Variants in PNLIPRP1 observed in about 807,000 individuals in gnomAD.
The protein encoded by PNLIPRP1 is pancreatic lipase related protein 1, also known as inactive pancreatic lipase-related protein 1.
In PNLIPRP1, 57 loss-of-function variants were observed where a neutral mutation model predicts 54.6. That is an observed-to-expected ratio of 1.04 (90% CI 0.84 to 1.30). The LOEUF (loss-of-function observed/expected upper bound fraction) is 1.30, where lower values mean the gene tolerates loss of function less well. Among genes scored for constraint, PNLIPRP1 ranks in the 50% most tolerant of loss-of-function variants. PNLIPRP1 has a pLI of 0.00. For missense variants in PNLIPRP1, 567 were observed against 568.5 expected (o/e 1.00, Z 0.03); for synonymous variants, 232 against 208.8 (o/e 1.11, Z -0.96).
At chr10:116,593,013 C>T (rs1190843604) in intron 4 of PNLIPRP1, 6 of 219,284 alleles carry the variant, frequency 2.7e-5, no homozygotes, top group South Asian at 1.3e-4. Flanking sequence ...ACTAATGATA[C>T]AAAAATCAGC....
intron 8 of PNLIPRP1, among the ~76,000 whole-genome samples, chr10:116,599,091 C>A (rs1281777504): frequency 6.6e-6 from 1 of 151,818 alleles, no homozygotes; most frequent in East Asian, 1.9e-4. Flanking sequence ...CCCGTCTCTA[C>A]TAAAAATACA....
At chr10:116,600,936 AT>A in intron 9 of PNLIPRP1, 135 bp from the exon 10 acceptor site, 3 of 701,900 alleles carry the variant, frequency 4.3e-6, no homozygotes, top group East Asian at 2.6e-5. Flanking sequence ...TAATTTAGAG[AT>A]CATCTGCTCC....
Position 116,609,139 on chromosome 10 carries a change from T to C in PNLIPRP1, c.*23T>C, listed in dbSNP as rs782264842. ...TAAGCTCCCGGGGCGACGAGGCTGCTGCGTTCACACTAATAAAATCCACTG... is the reference window on the plus strand; with the variant it reads ...TAAGCTCCCGGGGCGACGAGGCTGCCGCGTTCACACTAATAAAATCCACTG... On this transcript the variant is annotated 3_prime_UTR_variant, in exon 13 of 13. Transcript: ENST00000358834. 3.3e-5 allele frequency: 52 copies of C among 1,576,336 alleles called. No individual in the cohort carries two copies. The South Asian group carries it at 5.9e-4, about 18-fold the overall frequency.
chr10:116,592,121 A>G lies in PNLIPRP1; in HGVS notation c.204+196A>G, dbSNP rs1847650041. On this transcript the variant is annotated intron_variant, in intron 3 of 12. Transcript: ENST00000358834. ...TGGCTTGAATGAATGAATGGTTCAC[A>G]TTTGCCAGAACCTCTAGCTACTGTG... 5 of 648,704 alleles carry G rather than the reference A, an allele frequency of 7.7e-6. No individual in the cohort carries two copies. The East Asian group carries it at 1.4e-4, about 18-fold the overall frequency. The allele number at this position is 648,704 out of a possible 1,614,324, so 40.2% of individuals were successfully genotyped here.
chr10:116,604,222 T>C, intron 11 of PNLIPRP1, 84 bp downstream of exon 11: 1 of 646,486 alleles, frequency 1.5e-6, no homozygotes, highest in Non-Finnish European at 2.7e-6. Context: ...ACTTATCATC[T>C]CTTTATATGT....
chr10:116,602,799 G>A (rs1024357249), intron 10 of PNLIPRP1, among the ~76,000 whole-genome samples: 5 of 152,194 alleles, frequency 3.3e-5, no homozygotes, highest in South Asian at 4.1e-4. Context: ...GTTTATATAC[G>A]TATGTATATG....
chr10:116,603,569 T>G lies in PNLIPRP1; in HGVS notation c.1064-461T>G, dbSNP rs57323566. Among the ~76,000 whole-genome samples the G allele has an allele frequency of 3.0e-3, 455 of 152,328 alleles. 2 individuals are homozygous for G. Among genetic ancestry groups the G allele is most frequent in the Middle Eastern group, 0.02 (6 of 294 alleles). ...TAAATACATACTTCTCCATAAGGCC[T>G]TGTTTGATTTGTAGATTAACAAATA... On this transcript the variant is annotated intron_variant, in intron 10 of 12. Transcript: ENST00000358834.
chr10:116,606,667 A>C (rs149721148), intron 12 of PNLIPRP1, among the ~76,000 whole-genome samples: 2 of 152,308 alleles, frequency 1.3e-5, no homozygotes, highest in East Asian at 3.9e-4. Flanking sequence ...TGACTTGCTC[A>C]CAGGTAAGGC....
chr10:116,601,187 C>G lies in PNLIPRP1; in HGVS notation c.1049C>G (p.Ala350Gly), dbSNP rs1351457883. 1 of 1,612,690 alleles carries G rather than the reference C, an allele frequency of 6.2e-7. No homozygotes were observed. The highest frequency in any genetic ancestry group is 8.5e-7 in the Non-Finnish European group (1 of 1,179,676). Residue 350 changes from alanine (A) to glycine (G), a missense_variant, in exon 10 of 13, where the codon GCT becomes GGT. Physicochemically the swap from Ala to Gly is moderately conservative, Grantham distance 60. Coordinates refer to ENST00000358834, the MANE Select transcript of PNLIPRP1 (RefSeq NM_006229.4). ...AAATTCTTCTTGAACACAGGAGAGG[C>G]TAGCAATTTCGCTCGTAAGTTGCAC... is the stretch of plus-strand genomic sequence containing the variant. ...QQKFFLNTGE[A>G]SNFARWRYGV...
chr10:116,592,523 G>A lies in PNLIPRP1; in HGVS notation c.312G>A (p.Trp104Ter), dbSNP rs782755718. The A allele has an allele frequency of 3.1e-6, 5 of 1,614,138 alleles. No individual in the cohort carries two copies. The highest frequency in any genetic ancestry group is 1.1e-5 in the South Asian group (1 of 91,076). Residue 104 changes from tryptophan to a stop codon, truncating the protein, a stop_gained, in exon 4 of 13, where the codon TGG becomes TGA. Transcript: ENST00000358834. LOFTEE classifies it high-confidence loss of function. Reference sequence around the variant, plus strand: ...TCATAGACAAAGGAGATGAGAGCTGGGTGACAGACATGTGCAAGGTAGGAG... The same window carrying A: ...TCATAGACAAAGGAGATGAGAGCTGAGTGACAGACATGTGCAAGGTAGGAG... ...HGFIDKGDES[W>*]VTDMCKKLFE... is the part of the protein sequence containing the mutation.
intron 2 of PNLIPRP1, among the ~76,000 whole-genome samples, 155 bp from the exon 3 acceptor site, chr10:116,591,616 C>A (rs1460270804): frequency 7.2e-5 from 11 of 152,074 alleles, no homozygotes; most frequent in African/African-American, 2.2e-4. Flanking sequence ...TAGGTGGGCA[C>A]TGGGGTCAAG....
In PNLIPRP1 at chr10:116,609,102, C is replaced by G. The variant is rs368899385; in HGVS notation, c.1390C>G (p.Leu464Val). Residue 464 changes from leucine (L) to valine (V), a missense_variant, in exon 13 of 13, where the codon CTC becomes GTC. By Grantham distance (32) the Leu-to-Val change is conservative. Transcript: ENST00000358834. ...DTVREDTLLT[L>V]TPC ...AGTGCGGGAAGACACGCTGCTCACC[C>G]TCACGCCCTGCTAAGCTCCCGGGGC... 34 of 1,611,500 alleles carry G rather than the reference C, an allele frequency of 2.1e-5. No homozygotes were observed. In the African/African-American group the frequency reaches 4.1e-4, roughly 20 times the overall value.
At position 116,592,195 on chromosome 10, in the gene PNLIPRP1, G is replaced by A. The variant is rs1589568400; in HGVS notation, c.205-221G>A. The A allele has an allele frequency of 4.7e-6, 3 of 640,688 alleles. No individual in the cohort carries two copies. The East Asian group carries it at 8.3e-5, about 18-fold the overall frequency. 39.7% of individuals were successfully genotyped at this position (640,688 alleles called of 1,614,324 possible). A position where few individuals can be genotyped will look rare whatever the true frequency, so the allele number is the denominator to read the frequency against. On this transcript the variant is annotated intron_variant, in intron 3 of 12. Coordinates refer to ENST00000358834, the MANE Select transcript of PNLIPRP1 (RefSeq NM_006229.4). ...CTTACTGTCTAACAAAAACCACAGG[G>A]AAGGTAAAACCTCAAACCACAATCC...
chr10:116,604,100 T>C lies in PNLIPRP1; in HGVS notation c.1134T>C (p.Phe378=), dbSNP rs116610181. The C allele has an allele frequency of 3.4e-3, 5,513 of 1,612,996 alleles. 22 individuals are homozygous for C. Among genetic ancestry groups the C allele is most frequent in the Middle Eastern group, 0.018 (111 of 6,060 alleles). The change falls in exon 11 of 13, where the codon TTT becomes TTC. Residue 378 remains phenylalanine (F), a synonymous_variant. Transcript: ENST00000358834. The stretch of plus-strand genomic sequence containing the variant: ...CTGGTCAGATCAAAGTTGCTTTGTT[T>C]GGAAATAAGGGAAACACTCACCAGT... ...TATGQIKVAL[F]GNKGNTHQYS... is the part of the protein sequence containing the mutation.
In PNLIPRP1 at chr10:116,592,120, C is replaced by T. The variant is rs1328546962; in HGVS notation, c.204+195C>T. On this transcript the variant is annotated intron_variant, in intron 3 of 12. Coordinates refer to ENST00000358834, the MANE Select transcript of PNLIPRP1 (RefSeq NM_006229.4). Reference sequence around the variant, plus strand: ...TTGGCTTGAATGAATGAATGGTTCACATTTGCCAGAACCTCTAGCTACTGT... The same window carrying T: ...TTGGCTTGAATGAATGAATGGTTCATATTTGCCAGAACCTCTAGCTACTGT... The T allele has an allele frequency of 6.2e-6, 4 of 650,318 alleles. No homozygotes were observed. In the East Asian group the frequency reaches 1.1e-4, roughly 18 times the overall value. The allele number at this position is 650,318 out of a possible 1,614,324, so 40.3% of individuals were successfully genotyped here.
chr10:116,594,866 T>G lies in PNLIPRP1; in HGVS notation c.465+2T>G. On this transcript the variant is annotated splice_donor_variant, in intron 5 of 12. Coordinates refer to ENST00000358834, the MANE Select transcript of PNLIPRP1 (RefSeq NM_006229.4). LOFTEE classifies it high-confidence loss of function. ...GCCCAGATGCTCGACATCCTCTTGGTGAGTCAGCTGGCTGGCCTATGTGAG... is the reference window on the plus strand; with the variant it reads ...GCCCAGATGCTCGACATCCTCTTGGGGAGTCAGCTGGCTGGCCTATGTGAG... 6 of 1,613,772 alleles carry G rather than the reference T, an allele frequency of 3.7e-6. No individual in the cohort carries two copies. The highest frequency in any genetic ancestry group is 5.1e-6 in the Non-Finnish European group (6 of 1,179,942).
At chr10:116,592,063 C>A in intron 3 of PNLIPRP1, 138 bp downstream of exon 3, 1 of 838,356 alleles carries the variant, frequency 1.2e-6, no homozygotes, top group Non-Finnish European at 1.9e-6. Context: ...CCAGACCTAG[C>A]TAGACCTAGA....
Position 116,591,797 on chromosome 10 carries a change from G to C in PNLIPRP1, c.76G>C (p.Gly26Arg), listed in dbSNP as rs782526462. ...AAAAGAAGTTTGCTATGAGGACCTC[G>C]GGTGCTTTTCTGACACTGAGCCCTG... ...KGKEVCYEDL[G>R]CFSDTEPWGG... Residue 26 changes from glycine (G) to arginine (R), a missense_variant, in exon 3 of 13, where the codon GGG becomes CGG. Gly to Arg is a moderately radical substitution (Grantham distance 125). Transcript: ENST00000358834. 49 of 1,614,068 alleles carry C rather than the reference G, an allele frequency of 3.0e-5. No individual in the cohort carries two copies. Among genetic ancestry groups the C allele is most frequent in the Admixed American group, 1.0e-4 (6 of 60,012 alleles).
chr10:116,603,964 C>G, intron 10 of PNLIPRP1, 66 bp from the exon 11 acceptor site: 2 of 800,454 alleles, frequency 2.5e-6, no homozygotes, highest in Non-Finnish European at 4.0e-6. Flanking sequence ...GAGAAGGAGA[C>G]AAGTCTGGGA....
Sources: allele counts gnomAD v4.1 joint callset (sites outside exome capture counted in the v4.1 genomes callset), GRCh38; gene constraint gnomAD v4.1.1; transcripts MANE v1.5; gene names NCBI Gene and HGNC (gene_info 2026-07-23, HGNC 2026-07-21).